CFI: variants seen among roughly 807,000 people sequenced by gnomAD.
CFI encodes the protein complement factor I.
A neutral mutation model predicts 78.8 loss-of-function variants in CFI; 66 were observed. The observed-to-expected ratio is 0.84, with a 90% CI of 0.69 to 1.03. The LOEUF (loss-of-function observed/expected upper bound fraction) is 1.03, where lower values mean the gene tolerates loss of function less well. Among genes scored for constraint, CFI ranks in the 50% least tolerant of loss-of-function variants. The pLI is 0.00. For synonymous variants in CFI, 250 were observed against 232.6 expected (o/e 1.07, Z -0.68); for missense variants, 706 against 704.5 (o/e 1.00, Z -0.02).
At chr4:109,799,652 T>C (rs960432844) in intron 1 of CFI, among the ~76,000 whole-genome samples, 3 of 152,186 alleles carry the variant, frequency 2.0e-5, no homozygotes, top group Non-Finnish European at 4.4e-5. Context: ...TGGTAAGTGA[T>C]TAGGATAATA....
chr4:109,742,440 T>C (rs1339517865), intron 12 of CFI, 51 bp downstream of exon 12: 56 of 1,183,704 alleles, frequency 4.7e-5, no homozygotes, highest in Non-Finnish European at 6.6e-5. Context: ...AGATGTTTGA[T>C]AGGGGAAATA....
In CFI at chr4:109,746,287, G is replaced by A; in HGVS notation, c.1364C>T (p.Pro455Leu). Residue 455 changes from proline (P) to leucine (L), a missense_variant, in exon 11 of 13, where the codon CCC becomes CTC. Physicochemically the swap from Pro to Leu is moderately conservative, Grantham distance 98 (BLOSUM62 -3). Transcript: ENST00000394634. ...AGGTTGGAATAGGTAAGGAGACCAG[G>A]GGACACAGGCAGGGATGGAACGAGG... The part of the protein sequence containing the change: ...ELPRSIPACV[P>L]WSPYLFQPND... 6.2e-7 allele frequency: 1 copy of A among 1,614,150 alleles called. No homozygotes were observed. The highest frequency in any genetic ancestry group is 8.5e-7 in the Non-Finnish European group (1 of 1,180,024).
chr4:109,792,697 C>T (rs28832008), intron 1 of CFI, among the ~76,000 whole-genome samples: 4,305 of 152,148 alleles, frequency 0.028, 204 homozygotes, highest in African/African-American at 0.099. Flanking sequence ...TTATATATTC[C>T]TGAAGAATTG....
the CFI span, among the ~76,000 whole-genome samples, chr4:109,734,030 G>A: frequency 6.6e-6 from 1 of 152,084 alleles, no homozygotes; most frequent in Non-Finnish European, 1.5e-5. Flanking sequence ...AAATTAGCCA[G>A]GCATGGTGGT....
At chr4:109,749,684 A>G in intron 8 of CFI, 82 bp from the exon 9 acceptor site, 1 of 869,726 alleles carries the variant, frequency 1.1e-6, no homozygotes, top group Non-Finnish European at 1.9e-6. Context: ...TCTATGCCAC[A>G]AAAACAGGAG....
rs1360382612 is a variant in CFI at position 109,761,516 on chromosome 4, C to T, written c.658+1G>A. 4.3e-6 allele frequency: 7 copies of T among 1,614,032 alleles called. No individual in the cohort carries two copies. Among genetic ancestry groups the T allele is most frequent in the Non-Finnish European group, 5.9e-6 (7 of 1,179,944 alleles). On this transcript the variant is annotated splice_donor_variant, in intron 4 of 12. Transcript: ENST00000394634. LOFTEE classifies it high-confidence loss of function. ...AAATAACAGGCAAATACTCCACCAA[C>T]CTGCTTTCTGTGTATAACAAACCAC...
intron 1 of CFI, among the ~76,000 whole-genome samples, chr4:109,768,333 C>A (rs1239910433): frequency 2.3e-5 from 2 of 88,122 alleles, no homozygotes; most frequent in Non-Finnish European, 2.5e-5. Flanking sequence ...TGAAGAAATC[C>A]TAAAAAAAAA....
intron 2 of CFI, among the ~76,000 whole-genome samples, chr4:109,764,941 T>G (rs1296643134): frequency 6.6e-6 from 1 of 152,162 alleles, no homozygotes; most frequent in Non-Finnish European, 1.5e-5. Context: ...TATTCCCATT[T>G]TTACACAAGG....
At chr4:109,751,564 C>T (rs1032462376) in intron 8 of CFI, among the ~76,000 whole-genome samples, 1 of 151,108 alleles carries the variant, frequency 6.6e-6, no homozygotes, top group African/African-American at 2.4e-5. Context: ...GCCTCAGCCT[C>T]CTGAGCACCT....
rs1428722287 is a variant in CFI, at chr4:109,796,327, C to T, written c.57+5588G>A. On this transcript the variant is annotated intron_variant, in intron 1 of 12. Transcript: ENST00000394634. ...AAATGAAAGAGAGATAAAGACTTTC[C>T]CTAATAAATCAAAACAGGAAATACA... is the stretch of plus-strand genomic sequence containing the variant. Among the ~76,000 whole-genome samples, 3 of 152,026 alleles carry T rather than the reference C, an allele frequency of 2.0e-5. No individual in the cohort carries two copies. The South Asian group carries it at 6.2e-4, about 32-fold the overall frequency.
intron 12 of CFI, among the ~76,000 whole-genome samples, chr4:109,741,544 G>A (rs532626705): frequency 2.4e-4 from 37 of 152,258 alleles, no homozygotes; most frequent in Admixed American, 1.6e-3. Context: ...ACTATGACAC[G>A]GAGTTTAACT....
chr4:109,771,244 T>A (rs1191218137), intron 1 of CFI, among the ~76,000 whole-genome samples: 1 of 149,202 alleles, frequency 6.7e-6, no homozygotes, highest in Non-Finnish European at 1.5e-5. Context: ...ACAAAAAAAA[T>A]AAAAAATAAA....
chr4:109,772,716 C>G (rs1043422816), intron 1 of CFI, among the ~76,000 whole-genome samples: 35 of 152,032 alleles, frequency 2.3e-4, no homozygotes, highest in African/African-American at 7.7e-4. Context: ...GTAGCTAGGA[C>G]AGACACATGC....
At chr4:109,756,973 G>GAAAGAAAGAAAGA (rs1726378074) in intron 7 of CFI, among the ~76,000 whole-genome samples, 1 of 138,684 alleles carries the variant, frequency 7.2e-6, no homozygotes, top group African/African-American at 2.7e-5. Flanking sequence ...AAGAAAGAAA[G>GAAAGAAAGAAAGA]AAAGAAATTC....
At chr4:109,760,226 T>A in intron 6 of CFI, 44 bp downstream of exon 6, 2 of 1,364,286 alleles carry the variant, frequency 1.5e-6, no homozygotes, top group South Asian at 1.2e-5. Context: ...TCAGAATCCC[T>A]GGATTCAATA....
At chr4:109,752,368 A>C in intron 8 of CFI, 100 bp downstream of exon 8, 1 of 1,049,084 alleles carries the variant, frequency 9.5e-7, no homozygotes, top group Non-Finnish European at 1.5e-6. Context: ...ATTGATACCA[A>C]AACTACTTGT....
intron 1 of CFI, among the ~76,000 whole-genome samples, chr4:109,781,805 T>G (rs1158832940): frequency 6.6e-6 from 1 of 152,106 alleles, no homozygotes; most frequent in Non-Finnish European, 1.5e-5. Context: ...AAAAAGATAA[T>G]CTACCATGAT....
At chr4:109,771,262 A>T (rs907097739) in intron 1 of CFI, among the ~76,000 whole-genome samples, 1 of 152,074 alleles carries the variant, frequency 6.6e-6, no homozygotes, top group Non-Finnish European at 1.5e-5. Context: ...AAATAAAAAA[A>T]ATTAGCCAGG....
downstream of CFI, among the ~76,000 whole-genome samples, chr4:109,738,697 G>A (rs377444146): frequency 1.1e-4 from 16 of 152,268 alleles, no homozygotes; most frequent in East Asian, 3.1e-3. Context: ...CCCCGGCCCT[G>A]CCATGTTAAG....
Sources: gnomAD v4.1 joint callset for allele counts (sites outside exome capture counted in the v4.1 genomes callset) on GRCh38, gnomAD v4.1.1 for gene constraint, MANE v1.5 for transcripts, NCBI Gene and HGNC (gene_info 2026-07-23, HGNC 2026-07-21) for gene names.